The following KIAA1549L variants were observed in gnomAD, a reference collection of about 807,000 sequenced individuals.
KIAA1549L encodes the protein KIAA1549 like.
A neutral mutation model predicts 160.7 loss-of-function variants in KIAA1549L; 88 were observed. That is an observed-to-expected ratio of 0.55 (90% confidence interval 0.46 to 0.65). The LOEUF (loss-of-function observed/expected upper bound fraction) is 0.65. Ranked by LOEUF, KIAA1549L falls within the 30% of genes least tolerant of loss-of-function variation. The pLI, the probability that KIAA1549L is intolerant of heterozygous loss-of-function variation, is 0.00. For missense variants in KIAA1549L, 2,258 were observed against 2,437.5 expected (o/e 0.93, Z 1.55); for synonymous variants, 950 against 976.7 (o/e 0.97, Z 0.51).
chr11:33,389,671 C>G (rs1850236218), intron 1 of KIAA1549L, among the ~76,000 whole-genome samples: 1 of 152,178 alleles, frequency 6.6e-6, no homozygotes, highest in South Asian at 2.1e-4. Context: ...GCAATAAACA[C>G]ATTTTAAACA....
intron 16 of KIAA1549L, among the ~76,000 whole-genome samples, chr11:33,637,050 G>A (rs1851455236): frequency 6.6e-6 from 1 of 152,184 alleles, no homozygotes; most frequent in Non-Finnish European, 1.5e-5. Context: ...TGCCCCAGGG[G>A]AAGAGCTTTC....
chr11:33,386,385 C>G (rs1850172803), intron 1 of KIAA1549L, among the ~76,000 whole-genome samples: 2 of 152,150 alleles, frequency 1.3e-5, no homozygotes, highest in Non-Finnish European at 2.9e-5. Context: ...TTTTTACAAA[C>G]TAAAGAAATT....
chr11:33,545,003 T>C lies in KIAA1549L; in HGVS notation c.3010T>C (p.Phe1004Leu). 6.2e-7 allele frequency: 1 copy of C among 1,613,980 alleles called. No individual in the cohort carries two copies. Among genetic ancestry groups the C allele is most frequent in the East Asian group, 2.2e-5 (1 of 44,884 alleles). Reference sequence around the variant, plus strand: ...GACACCAGGGGCAGTCCATACAGCCTTCCCATTCACACCAACCTACATGTA... The same window carrying C: ...GACACCAGGGGCAGTCCATACAGCCCTCCCATTCACACCAACCTACATGTA... ...KRTPGAVHTA[F>L]PFTPTYMYAR... Residue 1004 changes from phenylalanine (F) to leucine (L), a missense_variant, in exon 3 of 21, where the codon TTC becomes CTC. This residue lies in a region of KIAA1549L where 1,359 missense variants were observed against 1,546.6 expected (regional missense o/e 0.88). Transcript: ENST00000658780.
At chr11:33,552,898 C>T (rs1854515278) in intron 6 of KIAA1549L, among the ~76,000 whole-genome samples, 1 of 152,158 alleles carries the variant, frequency 6.6e-6, no homozygotes, top group Non-Finnish European at 1.5e-5. Context: ...AGTCAATCCA[C>T]TACACCATAC....
chr11:33,401,565 C>T (rs535145181), intron 1 of KIAA1549L, among the ~76,000 whole-genome samples: 1 of 151,640 alleles, frequency 6.6e-6, no homozygotes, highest in South Asian at 2.1e-4. Context: ...CAGGTTCTGT[C>T]CTAGCTTTTT....
intron 16 of KIAA1549L, among the ~76,000 whole-genome samples, chr11:33,643,575 C>T (rs535624370): frequency 1.2e-4 from 19 of 152,240 alleles, no homozygotes; most frequent in African/African-American, 3.4e-4. Flanking sequence ...ATCAGGGAGA[C>T]TCTGGATGTA....
chr11:33,528,931 T>A (rs979844338), intron 1 of KIAA1549L, among the ~76,000 whole-genome samples: 2 of 152,220 alleles, frequency 1.3e-5, no homozygotes, highest in Admixed American at 6.5e-5. Flanking sequence ...AACTTTTCCA[T>A]ACAACCAAAC....
At chr11:33,612,458 T>A (rs2133334780) in intron 15 of KIAA1549L, among the ~76,000 whole-genome samples, 1 of 152,330 alleles carries the variant, frequency 6.6e-6, no homozygotes, top group Admixed American at 6.5e-5. Flanking sequence ...GGTTTTGCCA[T>A]GTTGCTCAGG....
intron 1 of KIAA1549L, among the ~76,000 whole-genome samples, chr11:33,442,363 C>T (rs564940097): frequency 4.6e-4 from 70 of 152,224 alleles, no homozygotes; most frequent in African/African-American, 1.7e-3. Flanking sequence ...ATGATGCCTC[C>T]AGCTTTGTTC....
intron 1 of KIAA1549L, among the ~76,000 whole-genome samples, chr11:33,396,220 A>T (rs1418826884): frequency 6.6e-6 from 1 of 152,122 alleles, no homozygotes; most frequent in South Asian, 2.1e-4. Flanking sequence ...GGACCATCAG[A>T]CCATTGGAAC....
chr11:33,456,768 A>G (rs1851832359), intron 1 of KIAA1549L, among the ~76,000 whole-genome samples: 1 of 152,180 alleles, frequency 6.6e-6, no homozygotes, highest in South Asian at 2.1e-4. Flanking sequence ...TACTACTCAG[A>G]TAATAAACCA....
chr11:33,491,308 C>G (rs1252834223), intron 1 of KIAA1549L, among the ~76,000 whole-genome samples: 2 of 152,128 alleles, frequency 1.3e-5, no homozygotes, highest in African/African-American at 4.8e-5. Flanking sequence ...GCTTTCAATC[C>G]CCTTGGGTAC....
intron 1 of KIAA1549L, among the ~76,000 whole-genome samples, chr11:33,494,188 T>A (rs1302847460): frequency 6.6e-6 from 1 of 152,212 alleles, no homozygotes; most frequent in Non-Finnish European, 1.5e-5. Context: ...TTTTGTTTTT[T>A]GTGACACATG....
At chr11:33,558,771 T>A (rs1010661826) in intron 6 of KIAA1549L, among the ~76,000 whole-genome samples, 2 of 152,116 alleles carry the variant, frequency 1.3e-5, no homozygotes, top group Admixed American at 6.5e-5. Flanking sequence ...GTTGAATTAA[T>A]AGACCACAAG....
intron 9 of KIAA1549L, among the ~76,000 whole-genome samples, chr11:33,571,577 G>T (rs572837191): frequency 2.0e-5 from 3 of 152,112 alleles, no homozygotes; most frequent in Non-Finnish European, 2.9e-5. Flanking sequence ...GGCGGAGCAG[G>T]TCTCACATGG....
At chr11:33,483,462 A>G (rs529414525) in intron 1 of KIAA1549L, among the ~76,000 whole-genome samples, 352 of 152,264 alleles carry the variant, frequency 2.3e-3, no homozygotes, top group Non-Finnish European at 4.0e-3. Context: ...ATATTAATAG[A>G]TGGTGAAAGA....
At chr11:33,520,578 C>A (rs1447623073) in intron 1 of KIAA1549L, among the ~76,000 whole-genome samples, 2 of 151,990 alleles carry the variant, frequency 1.3e-5, no homozygotes, top group Non-Finnish European at 2.9e-5. Flanking sequence ...AATAGCTACA[C>A]ATGCTGTCAT....
intron 20 of KIAA1549L, among the ~76,000 whole-genome samples, chr11:33,663,780 A>G (rs929416016): frequency 6.6e-6 from 1 of 152,220 alleles, no homozygotes; most frequent in Admixed American, 6.5e-5. Context: ...GCACTGGTGT[A>G]CAGCAATAAG....
At chr11:33,415,354 A>T (rs1850867417) in intron 1 of KIAA1549L, among the ~76,000 whole-genome samples, 1 of 152,136 alleles carries the variant, frequency 6.6e-6, no homozygotes, top group South Asian at 2.1e-4. Flanking sequence ...TTAATATTCC[A>T]TCCCATTGTC....
Sources: allele counts gnomAD v4.1 joint callset (sites outside exome capture counted in the v4.1 genomes callset), GRCh38; gene constraint gnomAD v4.1.1; regional missense constraint gnomAD v4.1.1; transcripts MANE v1.5; gene names NCBI Gene and HGNC (gene_info 2026-07-23, HGNC 2026-07-21).